The following ADCY5 variants were observed in gnomAD, a reference collection of about 807,000 sequenced individuals.
The protein encoded by ADCY5 is adenylate cyclase 5.
Under a neutral mutation model 119.7 loss-of-function variants are expected in ADCY5, and 30 were observed. The observed-to-expected ratio is 0.25, with a 90% confidence interval of 0.19 to 0.34. ADCY5 has a LOEUF of 0.34. Among genes scored for constraint, ADCY5 ranks in the 10% least tolerant of loss-of-function variants. The pLI is 1.00. For missense variants in ADCY5, 1,324 were observed against 1,775.2 expected (o/e 0.75, Z 4.57); for synonymous variants, 753 against 762.2 (o/e 0.99, Z 0.20).
chr3:123,384,077 A>C (rs12636451), intron 1 of ADCY5, among the ~76,000 whole-genome samples: 71,784 of 151,666 alleles, frequency 0.47, 17,732 homozygotes, highest in East Asian at 0.68. Context: ...CGGGACAGTA[A>C]TGACTGCTCC....
At chr3:123,345,739 C>CAGAG (rs879672173) in intron 3 of ADCY5, among the ~76,000 whole-genome samples, 52,052 of 141,228 alleles carry the variant, frequency 0.37, 10,338 homozygotes, top group Admixed American at 0.46. Context: ...GACAGAGAGA[C>CAGAG]AGACAGACAG....
rs1021815879 is a variant in ADCY5 at position 123,298,882 on chromosome 3, G to A, written c.2900+1238C>T. On this transcript the variant is annotated intron_variant, in intron 15 of 20. Coordinates refer to ENST00000462833, the MANE Select transcript of ADCY5 (RefSeq NM_183357.3). ...GTGTGTGTATAGGGAGTGGTGATGC[G>A]TAGAAAAGCATATTACGAATCAGGC... Among the ~76,000 whole-genome samples, 11 of 138,636 alleles carry A rather than the reference G, an allele frequency of 7.9e-5. No individual in the cohort carries two copies. The South Asian group carries it at 1.6e-3, about 21-fold the overall frequency. The allele number at this position is 138,636 out of a possible 152,430, so 91.0% of individuals were successfully genotyped here.
At chr3:123,419,055 A>G in intron 1 of ADCY5, 1 of 781,238 alleles carries the variant, frequency 1.3e-6, no homozygotes, top group Non-Finnish European at 1.6e-6. Context: ...CAGTCTCCGT[A>G]ACGGCATGAG....
chr3:123,373,686 G>T (rs761827706), intron 1 of ADCY5, among the ~76,000 whole-genome samples: 1 of 151,726 alleles, frequency 6.6e-6, no homozygotes, highest in African/African-American at 2.4e-5. Flanking sequence ...CAGCACTCAC[G>T]AGGCTGGGCC....
At chr3:123,412,515 A>C (rs1383454566) in intron 1 of ADCY5, among the ~76,000 whole-genome samples, 1 of 152,194 alleles carries the variant, frequency 6.6e-6, no homozygotes, top group African/African-American at 2.4e-5. Flanking sequence ...GTATGAAGAC[A>C]GCAGTTACAG....
intron 1 of ADCY5, among the ~76,000 whole-genome samples, chr3:123,408,123 A>G (rs922861297): frequency 6.6e-5 from 10 of 152,196 alleles, no homozygotes; most frequent in Admixed American, 5.2e-4. Flanking sequence ...CCCTGGACCT[A>G]CGGTGAAAAA....
chr3:123,292,311 G>C (rs894547754), intron 17 of ADCY5, among the ~76,000 whole-genome samples: 1 of 152,244 alleles, frequency 6.6e-6, no homozygotes, highest in Non-Finnish European at 1.5e-5. Context: ...CATGGGGAAA[G>C]AGCTGGTGCT....
At chr3:123,376,783 G>C (rs566113142) in intron 1 of ADCY5, among the ~76,000 whole-genome samples, 1 of 152,198 alleles carries the variant, frequency 6.6e-6, no homozygotes, top group African/African-American at 2.4e-5. Context: ...AAACCAGGAC[G>C]AGCCCTCAGC....
intron 1 of ADCY5, chr3:123,419,044 T>C: frequency 1.5e-6 from 1 of 689,280 alleles, no homozygotes; most frequent in Non-Finnish European, 1.8e-6. Context: ...ATGGGTCTTC[T>C]CAGTCTCCGT....
In ADCY5 at chr3:123,330,968, C is replaced by T. The variant is rs760775723; in HGVS notation, c.1567G>A (p.Val523Ile). ...GCCCTTGCTTCAGGCAGCCCCGAGA[C>T]GCAGTAATAACAATCCCCAAGGATC... ...IKILGDCYYC[V>I]SGLPEARADH... is the part of the protein sequence containing the mutation. The change falls in exon 5 of 21, where the codon GTC becomes ATC. Residue 523 changes from valine (V) to isoleucine (I), a missense_variant. By Grantham distance (29) the Val-to-Ile change is conservative. Transcript: ENST00000462833. The T allele has an allele frequency of 4.3e-6, 7 of 1,613,868 alleles. No homozygotes were observed. Among genetic ancestry groups the T allele is most frequent in the African/African-American group, 1.3e-5 (1 of 74,906 alleles).
chr3:123,414,716 C>T (rs1425630187), intron 1 of ADCY5, among the ~76,000 whole-genome samples: 1 of 152,136 alleles, frequency 6.6e-6, no homozygotes, highest in African/African-American at 2.4e-5. Flanking sequence ...ACCACCATGC[C>T]CGGCTAATTT....
rs73858705 is a variant in ADCY5 at position 123,313,252 on chromosome 3, A to G, written c.2442+983T>C. On this transcript the variant is annotated intron_variant, in intron 12 of 20. Transcript: ENST00000462833. ...CCAAGACCTTGACCATGACGTGACT[A>G]TACGGTTAACAGACTAATAAGGGCC... 4.7e-3 allele frequency among the ~76,000 whole-genome samples: 715 copies of G among 152,216 alleles called. 5 individuals are homozygous for G. Among genetic ancestry groups the G allele is most frequent in the African/African-American group, 0.016 (657 of 41,542 alleles).
chr3:123,352,390 C>T lies in ADCY5; in HGVS notation c.1284+42G>A, dbSNP rs1390149871. 1.9e-6 allele frequency: 3 copies of T among 1,573,970 alleles called. No homozygotes were observed. The highest frequency in any genetic ancestry group is 2.6e-6 in the Non-Finnish European group (3 of 1,160,964). On this transcript the variant is annotated intron_variant, in intron 2 of 20. Transcript: ENST00000462833. This position sits in a 1 kb window ranked among gnomAD's most constrained non-coding sequence, Gnocchi z 4.8. ...CACTCAGCTGAGGTACATCTCAGGG[C>T]TCGACTCCGTCCCACTGTGCAAGGG...
intron 1 of ADCY5, among the ~76,000 whole-genome samples, chr3:123,433,085 T>C (rs566350406): frequency 1.8e-4 from 28 of 152,218 alleles, no homozygotes; most frequent in African/African-American, 6.7e-4. Flanking sequence ...CAGCCAACAG[T>C]CCAGTGGAAA....
intron 8 of ADCY5, among the ~76,000 whole-genome samples, chr3:123,322,864 C>A (rs1044132851): frequency 6.6e-6 from 1 of 152,208 alleles, no homozygotes; most frequent in African/African-American, 2.4e-5. Context: ...CGACTTCAAA[C>A]CTTCTAACAG....
At position 123,448,521 on chromosome 3, in the gene ADCY5, G is replaced by A. The variant is rs1382254140; in HGVS notation, c.25C>T (p.Pro9Ser). The A allele has an allele frequency of 7.9e-6, 10 of 1,266,088 alleles. No homozygotes were observed. The highest frequency in any genetic ancestry group is 9.9e-6 in the Non-Finnish European group (10 of 1,007,324). The allele number at this position is 1,266,088 out of a possible 1,614,324, so 78.4% of individuals were successfully genotyped here. Residue 9 changes from proline to serine, a missense_variant, in exon 1 of 21, where the codon CCC becomes TCC. Transcript: ENST00000462833. Reference sequence around the variant, plus strand: ...GTCTTCTGCGCCGCGTAGCCCGGGGGGCTCACGCTTTTGGAGCCGGACATC... The same window carrying A: ...GTCTTCTGCGCCGCGTAGCCCGGGGAGCTCACGCTTTTGGAGCCGGACATC... MSGSKSVS[P>S]PGYAAQKTAA...
In ADCY5 at chr3:123,319,715, T is replaced by C. The variant is rs201591492; in HGVS notation, c.2215A>G (p.Lys739Glu). The C allele has an allele frequency of 1.2e-6, 2 of 1,614,224 alleles. No homozygotes were observed. Among genetic ancestry groups the C allele is most frequent in the African/African-American group, 2.7e-5 (2 of 75,072 alleles). The stretch of plus-strand genomic sequence containing the variant: ...GGCTCCCTGAAGGTCAGGAGGAACT[T>C]GCGGACGTGCTCAGACCGAAGCCTA... Reference protein sequence around the residue: ...IDRLRSEHVRKFLLTFREPDL... With the variant: ...IDRLRSEHVREFLLTFREPDL... Residue 739 changes from lysine (K) to glutamate (E), a missense_variant, in exon 10 of 21, where the codon AAG becomes GAG. Transcript: ENST00000462833.
Position 123,296,153 on chromosome 3 carries a change from C to T in ADCY5, c.2994G>A (p.Val998=). 1.2e-6 allele frequency: 2 copies of T among 1,614,014 alleles called. No individual in the cohort carries two copies. The highest frequency in any genetic ancestry group is 8.5e-7 in the Non-Finnish European group (1 of 1,179,994). ...GCTGGGCGTGCAGGTACAGGGCCAG[C>T]ACAAAGACTGAGATGATGATGGGCG... ...VVTPIIISVF[V]LALYLHAQQV... The change falls in exon 17 of 21, where the codon GTG becomes GTA. Residue 998 remains valine (V), a synonymous_variant. Transcript: ENST00000462833.
Position 123,296,230 on chromosome 3 carries a change from G to GTGGA in ADCY5, c.2931-18_2931-15dup. ...GCATGCTCAGGGCTGTGGGGAGGTG[G>GTGGA]TGGACAGGCCTGAGACGGCCGTGGC... On this transcript the variant is annotated splice_polypyrimidine_tract_variant and intron_variant, in intron 16 of 20. Coordinates refer to ENST00000462833, the MANE Select transcript of ADCY5 (RefSeq NM_183357.3). 6.2e-7 allele frequency: 1 copy of GTGGA among 1,613,052 alleles called. No homozygotes were observed. Among genetic ancestry groups the GTGGA allele is most frequent in the South Asian group, 1.1e-5 (1 of 90,970 alleles).
Sources: gnomAD v4.1 joint callset for allele counts (sites outside exome capture counted in the v4.1 genomes callset) on GRCh38, gnomAD v4.1.1 for gene constraint, Gnocchi (gnomAD v3.1) non-coding constraint, MANE v1.5 for transcripts, NCBI Gene and HGNC (gene_info 2026-07-23, HGNC 2026-07-21) for gene names.